The following ERICH6B variants were observed in gnomAD, a reference collection of about 807,000 sequenced individuals.
The protein encoded by ERICH6B is glutamate-rich protein 6B.
ERICH6B carries 69 observed loss-of-function variants against 80.0 expected under a neutral mutation model. That is an observed-to-expected ratio of 0.86 (90% confidence interval 0.71 to 1.05). The LOEUF is 1.05. Ranked by LOEUF, ERICH6B falls within the 50% of genes least tolerant of loss-of-function variation. The probability of loss-of-function intolerance (pLI) is 0.00; values close to 1 mark genes in which losing one functional copy is unlikely to be tolerated. For missense variants in ERICH6B, 754 were observed against 796.1 expected (o/e 0.95, Z 0.64); for synonymous variants, 283 against 291.9 (o/e 0.97, Z 0.31).
intron 3 of ERICH6B, 34 bp from the exon 4 acceptor site, chr13:45,590,731 CA>C (rs1172932703): frequency 2.6e-6 from 4 of 1,522,940 alleles, no homozygotes; most frequent in African/African-American, 1.4e-5. Context: ...GCAATATTGG[CA>C]AAAAAGCATC....
intron 2 of ERICH6B, among the ~76,000 whole-genome samples, chr13:45,602,397 T>C (rs1214436233): frequency 6.6e-6 from 1 of 152,252 alleles, no homozygotes; most frequent in Non-Finnish European, 1.5e-5. Flanking sequence ...TAGCCTGTGC[T>C]TTATAAAGCT....
At chr13:45,608,253 G>A (rs192333240) in intron 1 of ERICH6B, among the ~76,000 whole-genome samples, 15 of 152,254 alleles carry the variant, frequency 9.9e-5, no homozygotes, top group African/African-American at 3.6e-4. Context: ...AAATGCAGGG[G>A]AACACTCGGC....
At chr13:45,607,050 C>T (rs1593329497) in intron 2 of ERICH6B, among the ~76,000 whole-genome samples, 1 of 152,146 alleles carries the variant, frequency 6.6e-6, no homozygotes, top group African/African-American at 2.4e-5. Flanking sequence ...AAAAAACAAC[C>T]CCAGAGGGCT....
At chr13:45,596,212 C>CT (rs2138021291) in intron 3 of ERICH6B, among the ~76,000 whole-genome samples, 157 bp downstream of exon 3, 1 of 152,234 alleles carries the variant, frequency 6.6e-6, no homozygotes, top group East Asian at 1.9e-4. Flanking sequence ...CAGGTTTGTG[C>CT]TTTTTTCCTG....
At chr13:45,553,989 T>C (rs1874332368) in intron 11 of ERICH6B, among the ~76,000 whole-genome samples, 1 of 152,180 alleles carries the variant, frequency 6.6e-6, no homozygotes. Context: ...ATCTACTCTC[T>C]TAGCAATTTT....
chr13:45,541,857 C>T (rs1873793165), intron 14 of ERICH6B, among the ~76,000 whole-genome samples, 177 bp from the exon 15 acceptor site: 1 of 152,242 alleles, frequency 6.6e-6, no homozygotes, highest in African/African-American at 2.4e-5. Context: ...CAAATACGCT[C>T]ACTTGGCTGG....
At chr13:45,604,615 A>T (rs1275909719) in intron 2 of ERICH6B, among the ~76,000 whole-genome samples, 1 of 152,228 alleles carries the variant, frequency 6.6e-6, no homozygotes, top group Non-Finnish European at 1.5e-5. Flanking sequence ...GAAAGAAAAA[A>T]TTGTTTTCTA....
chr13:45,550,126 A>C, intron 12 of ERICH6B, 81 bp from the exon 13 acceptor site: 1 of 1,536,542 alleles, frequency 6.5e-7, no homozygotes, highest in Non-Finnish European at 8.8e-7. Flanking sequence ...TGCAGGCCTC[A>C]GTCAAACCCC....
At chr13:45,577,327 AG>A (rs1373232467) in intron 7 of ERICH6B, among the ~76,000 whole-genome samples, 1 of 123,580 alleles carries the variant, frequency 8.1e-6, no homozygotes, top group Non-Finnish European at 1.6e-5. Context: ...CTCTGTCAGC[AG>A]GCTGGAGTGC....
chr13:45,613,121 T>G (rs750961875), intron 1 of ERICH6B, among the ~76,000 whole-genome samples: 1 of 152,204 alleles, frequency 6.6e-6, no homozygotes, highest in Non-Finnish European at 1.5e-5. Flanking sequence ...GTTGGACATA[T>G]GTACCTATGT....
chr13:45,550,868 C>T (rs2137962929), intron 11 of ERICH6B, among the ~76,000 whole-genome samples: 1 of 152,258 alleles, frequency 6.6e-6, no homozygotes, highest in East Asian at 1.9e-4. Context: ...TTGGGGCACA[C>T]CCTACTTCAA....
chr13:45,603,299 C>A (rs1158519191), intron 2 of ERICH6B, among the ~76,000 whole-genome samples: 1 of 152,236 alleles, frequency 6.6e-6, no homozygotes, highest in African/African-American at 2.4e-5. Context: ...ACCCTCACAG[C>A]CACACCCAGA....
chr13:45,563,653 T>C lies in ERICH6B; in HGVS notation c.1249+74A>G, dbSNP rs576897156. ...GCCCTTCCACCTTCTTTACAGTACATGCAGAAGGGGAGAGGCGGTGGGATG... is the reference window on the plus strand; with the variant it reads ...GCCCTTCCACCTTCTTTACAGTACACGCAGAAGGGGAGAGGCGGTGGGATG... On this transcript the variant is annotated intron_variant, in intron 10 of 14. Transcript: ENST00000298738. The C allele has an allele frequency of 2.4e-4, 315 of 1,324,644 alleles. 3 individuals are homozygous for C. In the South Asian group the frequency reaches 3.3e-3, roughly 14 times the overall value. 82.1% of individuals were successfully genotyped at this position (1,324,644 alleles called of 1,614,324 possible).
chr13:45,564,534 A>G (rs1464363674), intron 9 of ERICH6B, among the ~76,000 whole-genome samples: 2 of 152,244 alleles, frequency 1.3e-5, no homozygotes, highest in African/African-American at 2.4e-5. Flanking sequence ...GGGCATATTA[A>G]TTTAGCCCAG....
intron 1 of ERICH6B, among the ~76,000 whole-genome samples, chr13:45,613,894 C>A (rs556482513): frequency 1.3e-5 from 2 of 152,122 alleles, no homozygotes; most frequent in Admixed American, 1.3e-4. Flanking sequence ...GGAGACCAAT[C>A]GGTGTTGGGC....
chr13:45,598,088 C>T (rs79236876), intron 2 of ERICH6B, among the ~76,000 whole-genome samples: 3,024 of 152,330 alleles, frequency 0.02, 97 homozygotes, highest in African/African-American at 0.069. Context: ...TCCATGCCTG[C>T]CTGTCTTTCT....
chr13:45,588,108 C>T (rs1042275545), intron 4 of ERICH6B, among the ~76,000 whole-genome samples: 1 of 152,142 alleles, frequency 6.6e-6, no homozygotes, highest in Non-Finnish European at 1.5e-5. Flanking sequence ...TTAGGCCTGT[C>T]CCCATCTGCA....
intron 9 of ERICH6B, among the ~76,000 whole-genome samples, chr13:45,567,815 A>G (rs1874981465): frequency 6.6e-6 from 1 of 152,246 alleles, no homozygotes; most frequent in Non-Finnish European, 1.5e-5. Context: ...GGCCCTGGCC[A>G]TGACCCCAGG....
rs544902693 is a variant in ERICH6B, at chr13:45,546,599, C to T, written c.1647-1614G>A. Among the ~76,000 whole-genome samples, 19 of 152,294 alleles carry T rather than the reference C, an allele frequency of 1.2e-4. No homozygotes were observed. The South Asian group carries it at 3.7e-3, about 30-fold the overall frequency. The stretch of plus-strand genomic sequence containing the variant: ...GTACTTTTTCCCCAAGACGTAGGCC[C>T]CAGGTCTGGGAGGTTTTGGTGCAGA... On this transcript the variant is annotated intron_variant, in intron 13 of 14. Transcript: ENST00000298738.
Sources: allele counts gnomAD v4.1 joint callset (sites outside exome capture counted in the v4.1 genomes callset), GRCh38; gene constraint gnomAD v4.1.1; transcripts MANE v1.5; gene names NCBI Gene and HGNC (gene_info 2026-07-23, HGNC 2026-07-21).